CNTN4: variants seen among roughly 807,000 people sequenced by gnomAD.
CNTN4 encodes the protein contactin-4.
Under a neutral mutation model 122.5 loss-of-function variants are expected in CNTN4, and 77 were observed. That is an observed-to-expected ratio of 0.63 (90% confidence interval 0.52 to 0.76). The LOEUF is 0.76. CNTN4 is among the 30% of genes least tolerant of loss of function. The probability of loss-of-function intolerance (pLI) is 0.00; values close to 1 mark genes in which losing one functional copy is unlikely to be tolerated. For synonymous variants in CNTN4, 512 were observed against 447.0 expected (o/e 1.15, Z -1.83); for missense variants, 1,256 against 1,259.1 (o/e 1.00, Z 0.04).
intron 3 of CNTN4, among the ~76,000 whole-genome samples, chr3:2,469,885 T>C (rs1468517205): frequency 6.6e-6 from 1 of 152,216 alleles, no homozygotes; most frequent in Non-Finnish European, 1.5e-5. Context: ...AGTCTGCTTA[T>C]GAATTTTGCA....
At chr3:2,727,190 ATGTT>A (rs1374575934) in intron 4 of CNTN4, among the ~76,000 whole-genome samples, 1 of 152,148 alleles carries the variant, frequency 6.6e-6, no homozygotes, top group Non-Finnish European at 1.5e-5. Context: ...AGAATTTAAA[ATGTT>A]TGTAATTTTA....
intron 6 of CNTN4, among the ~76,000 whole-genome samples, chr3:2,778,926 T>C (rs1249410196): frequency 6.6e-6 from 1 of 152,234 alleles, no homozygotes; most frequent in African/African-American, 2.4e-5. Flanking sequence ...CTTACAGTTT[T>C]AGAACCAACT....
At chr3:2,943,123 C>T (rs555333920) in intron 13 of CNTN4, among the ~76,000 whole-genome samples, 13 of 152,156 alleles carry the variant, frequency 8.5e-5, no homozygotes, top group Non-Finnish European at 4.4e-5. Flanking sequence ...GTCAGAATGC[C>T]GCCTTTAGGG....
intron 13 of CNTN4, among the ~76,000 whole-genome samples, chr3:2,977,163 G>T (rs1377916216): frequency 6.6e-6 from 1 of 152,154 alleles, no homozygotes; most frequent in African/African-American, 2.4e-5. Flanking sequence ...ATGCTGTATT[G>T]CTTTTGCCTC....
At chr3:2,507,895 A>G (rs1157723479) in intron 3 of CNTN4, among the ~76,000 whole-genome samples, 1 of 151,540 alleles carries the variant, frequency 6.6e-6, no homozygotes, top group East Asian at 1.9e-4. Flanking sequence ...CCACACACAC[A>G]CCCCCTCAAA....
At chr3:2,172,730 T>C (rs908163697) in intron 2 of CNTN4, among the ~76,000 whole-genome samples, 9 of 152,188 alleles carry the variant, frequency 5.9e-5, no homozygotes, top group African/African-American at 2.2e-4. Flanking sequence ...CTGCAGTGTA[T>C]AGCAGATTGC....
chr3:2,848,610 T>C (rs1257741633), intron 7 of CNTN4, among the ~76,000 whole-genome samples: 2 of 152,242 alleles, frequency 1.3e-5, no homozygotes, highest in Non-Finnish European at 2.9e-5. Flanking sequence ...AAAGTCCTAT[T>C]AACTACAACT....
intron 3 of CNTN4, among the ~76,000 whole-genome samples, chr3:2,548,402 G>C (rs1196390879): frequency 6.6e-6 from 1 of 152,108 alleles, no homozygotes; most frequent in Non-Finnish European, 1.5e-5. Context: ...TGGCTAGCCA[G>C]TTTTCCCAAT....
chr3:2,851,305 C>G (rs574944748), intron 7 of CNTN4, among the ~76,000 whole-genome samples: 1 of 152,298 alleles, frequency 6.6e-6, no homozygotes, highest in South Asian at 2.1e-4. Flanking sequence ...AAACACTATG[C>G]CTCTGATCAT....
At chr3:2,786,946 C>A (rs1281563688) in intron 6 of CNTN4, among the ~76,000 whole-genome samples, 1 of 152,112 alleles carries the variant, frequency 6.6e-6, no homozygotes, top group African/African-American at 2.4e-5. Flanking sequence ...ACAAATGGTT[C>A]TATTTTTTAT....
At chr3:2,460,361 A>T (rs555121920) in intron 3 of CNTN4, among the ~76,000 whole-genome samples, 201 of 152,166 alleles carry the variant, frequency 1.3e-3, no homozygotes, top group African/African-American at 4.6e-3. Flanking sequence ...AGGTCACTAG[A>T]GATAAATATG....
At chr3:2,114,004 T>G (rs1284981418) in intron 2 of CNTN4, among the ~76,000 whole-genome samples, 1 of 152,216 alleles carries the variant, frequency 6.6e-6, no homozygotes, top group Non-Finnish European at 1.5e-5. Context: ...TTACTTGTGC[T>G]TTCAAAGAGC....
Position 3,053,896 on chromosome 3 carries a change from T to C in CNTN4, c.2901T>C (p.Asp967=), listed in dbSNP as rs1701523841. 1 of 1,614,004 alleles carries C rather than the reference T, an allele frequency of 6.2e-7. No individual in the cohort carries two copies. The highest frequency in any genetic ancestry group is 1.3e-5 in the African/African-American group (1 of 74,934). ...SVELSLPFDE[D]YIIEIKPFSD... The stretch of plus-strand genomic sequence containing the variant: ...AGCTTTCTTTGCCTTTCGATGAAGA[T>C]TATATAATAGAAATTAAGCCATTCA... Residue 967 remains aspartate (D), a synonymous_variant, in exon 24 of 25, where the codon GAT becomes GAC. Transcript: ENST00000418658.
intron 13 of CNTN4, among the ~76,000 whole-genome samples, chr3:2,934,914 C>T (rs764606958): frequency 1.3e-5 from 2 of 152,150 alleles, no homozygotes; most frequent in African/African-American, 4.8e-5. Flanking sequence ...GAGCTTATAC[C>T]GCTCTTCAAA....
At chr3:2,452,521 A>T (rs182342234) in intron 3 of CNTN4, among the ~76,000 whole-genome samples, 1 of 152,174 alleles carries the variant, frequency 6.6e-6, no homozygotes, top group Admixed American at 6.6e-5. Flanking sequence ...CTATAATTAC[A>T]GTGCTAGTTT....
intron 13 of CNTN4, among the ~76,000 whole-genome samples, chr3:2,954,245 G>A (rs542920453): frequency 6.6e-6 from 1 of 152,186 alleles, no homozygotes; most frequent in South Asian, 2.1e-4. Flanking sequence ...CTGTCCTCAG[G>A]AGAGAAAGAG....
chr3:2,278,964 C>G lies in CNTN4; in HGVS notation c.-144-60214C>G, dbSNP rs998433358. Among the ~76,000 whole-genome samples the G allele has an allele frequency of 1.1e-4, 17 of 151,990 alleles. 1 individual carries two copies. The highest frequency in any genetic ancestry group is 4.1e-4 in the African/African-American group (17 of 41,308). On this transcript the variant is annotated intron_variant, in intron 2 of 24. Transcript: ENST00000418658. ...TTAGAAGGAAATGACTCCCTGTTAG[C>G]TTTGAAGGTTGAGCTACAAGATCAT...
At chr3:2,142,428 G>A (rs1157501701) in intron 2 of CNTN4, among the ~76,000 whole-genome samples, 1 of 151,014 alleles carries the variant, frequency 6.6e-6, no homozygotes, top group Non-Finnish European at 1.5e-5. Context: ...GCAATGGCAT[G>A]ATCTCAGCTC....
At chr3:2,171,064 A>G (rs926379218) in intron 2 of CNTN4, among the ~76,000 whole-genome samples, 5 of 152,200 alleles carry the variant, frequency 3.3e-5, no homozygotes, top group Non-Finnish European at 7.4e-5. Flanking sequence ...GAATAACTAT[A>G]ATAGAGGAAG....
Sources: gnomAD v4.1 joint callset for allele counts (sites outside exome capture counted in the v4.1 genomes callset) on GRCh38, gnomAD v4.1.1 for gene constraint, MANE v1.5 for transcripts, NCBI Gene and HGNC (gene_info 2026-07-23, HGNC 2026-07-21) for gene names.